ARFGEF3: variants seen among roughly 807,000 people sequenced by gnomAD.
ARFGEF3 encodes the protein ARFGEF family member 3.
ARFGEF3 carries 96 observed loss-of-function variants against 221.7 expected under a neutral mutation model. The ratio of observed to expected loss-of-function variants is 0.43; its 90% CI spans 0.37 to 0.51. The LOEUF (loss-of-function observed/expected upper bound fraction) is 0.51, where lower values mean the gene tolerates loss of function less well. ARFGEF3 is among the 20% of genes least tolerant of loss of function. The pLI is 0.00. For synonymous variants in ARFGEF3, 1,145 were observed against 1,126.8 expected (o/e 1.02, Z -0.32); for missense variants, 2,410 against 2,789.9 (o/e 0.86, Z 3.07).
chr6:138,311,359 G>A (rs747343263), intron 24 of ARFGEF3, 48 bp from the exon 25 acceptor site: 4 of 1,198,208 alleles, frequency 3.3e-6, no homozygotes, highest in Admixed American at 2.0e-5. Context: ...TTACAGGGGG[G>A]CACGCAAGGG....
At chr6:138,225,020 G>A (rs1778056097) in intron 4 of ARFGEF3, among the ~76,000 whole-genome samples, 1 of 152,140 alleles carries the variant, frequency 6.6e-6, no homozygotes, top group African/African-American at 2.4e-5. Flanking sequence ...GAGGGCAGTG[G>A]TAGGATGGTA....
At chr6:138,335,322 A>C (rs776806479) in intron 33 of ARFGEF3, 134 bp downstream of exon 33, 4 of 875,958 alleles carry the variant, frequency 4.6e-6, no homozygotes, top group Non-Finnish European at 4.8e-6. Flanking sequence ...ATTTCCCTCC[A>C]AAGTCAGAGG....
At chr6:138,278,379 C>T in intron 12 of ARFGEF3, 72 bp from the exon 13 acceptor site, 1 of 1,414,946 alleles carries the variant, frequency 7.1e-7, no homozygotes, top group Admixed American at 1.7e-5. Context: ...GATGGGTTCG[C>T]AGCTCTCTGG....
At chr6:138,294,881 T>C (rs17067357) in intron 20 of ARFGEF3, among the ~76,000 whole-genome samples, 12,630 of 152,290 alleles carry the variant, frequency 0.083, 830 homozygotes, top group South Asian at 0.24. Flanking sequence ...TTGGACTGCA[T>C]AACCTCTGAG....
intron 4 of ARFGEF3, 99 bp downstream of exon 4, chr6:138,210,140 C>T: frequency 8.5e-7 from 1 of 1,180,556 alleles, no homozygotes; most frequent in South Asian, 1.6e-5. Context: ...TGTGGTCATG[C>T]TAGCTCATCT....
chr6:138,204,735 A>G (rs1327026331), intron 2 of ARFGEF3, among the ~76,000 whole-genome samples: 1 of 152,268 alleles, frequency 6.6e-6, no homozygotes, highest in East Asian at 1.9e-4. Flanking sequence ...TAAGGGAGCT[A>G]AGACCCACAG....
At chr6:138,163,016 G>C (rs1165267388) in intron 1 of ARFGEF3, among the ~76,000 whole-genome samples, 1 of 152,182 alleles carries the variant, frequency 6.6e-6, no homozygotes, top group East Asian at 1.9e-4. Context: ...CTGATGTGAT[G>C]CCTCAGTTGC....
chr6:138,324,639 C>G (rs1393297351), intron 31 of ARFGEF3, among the ~76,000 whole-genome samples: 1 of 152,158 alleles, frequency 6.6e-6, no homozygotes, highest in Non-Finnish European at 1.5e-5. Context: ...CATCATATAC[C>G]AATGGCTTTT....
intron 2 of ARFGEF3, among the ~76,000 whole-genome samples, chr6:138,206,507 G>A (rs2114492740): frequency 6.6e-6 from 1 of 152,268 alleles, no homozygotes; most frequent in Admixed American, 6.5e-5. Flanking sequence ...AGACTATAAA[G>A]CAAATGTTAA....
chr6:138,164,919 A>G (rs1323940785), intron 1 of ARFGEF3, among the ~76,000 whole-genome samples: 1 of 152,146 alleles, frequency 6.6e-6, no homozygotes, highest in Non-Finnish European at 1.5e-5. Context: ...TACTTAGGTC[A>G]TCATGGGAAA....
chr6:138,320,885 G>C (rs1780010942), intron 28 of ARFGEF3, among the ~76,000 whole-genome samples: 1 of 152,098 alleles, frequency 6.6e-6, no homozygotes, highest in Non-Finnish European at 1.5e-5. Context: ...TGTAGAAGTG[G>C]ATGAAACATG....
intron 17 of ARFGEF3, among the ~76,000 whole-genome samples, chr6:138,287,390 A>C (rs1005362099): frequency 1.3e-5 from 2 of 152,198 alleles, no homozygotes; most frequent in Admixed American, 1.3e-4. Context: ...CTGGAGAATG[A>C]GAGACATACT....
chr6:138,299,289 A>C (rs956143411), intron 22 of ARFGEF3, among the ~76,000 whole-genome samples: 4 of 150,976 alleles, frequency 2.6e-5, no homozygotes, highest in Non-Finnish European at 5.9e-5. Context: ...ATTTGAAACT[A>C]GGCAATTAAA....
At chr6:138,250,162 A>G (rs1330015408) in intron 8 of ARFGEF3, among the ~76,000 whole-genome samples, 2 of 152,184 alleles carry the variant, frequency 1.3e-5, no homozygotes, top group Admixed American at 1.3e-4. Flanking sequence ...AGTGCCTCTT[A>G]GGGCTTTAGC....
rs1780380709 is a variant in ARFGEF3, at chr6:138,338,983, T to G, written c.*2497T>G. ...ATTATGGGTCCCAAGAATAAAAGGATGAGTAGGTGTACAGAGCTCTTGACC... is the reference window on the plus strand; with the variant it reads ...ATTATGGGTCCCAAGAATAAAAGGAGGAGTAGGTGTACAGAGCTCTTGACC... On this transcript the variant is annotated 3_prime_UTR_variant, in exon 34 of 34. Coordinates refer to ENST00000251691, the MANE Select transcript of ARFGEF3 (RefSeq NM_020340.5). 6.6e-6 allele frequency: 1 copy of G among 152,144 alleles called. No individual in the cohort carries two copies. Among genetic ancestry groups the G allele is most frequent in the Admixed American group, 6.6e-5 (1 of 15,264 alleles). 9.4% of individuals were successfully genotyped at this position (152,144 alleles called of 1,614,324 possible).
chr6:138,239,585 G>A (rs1281143813), intron 6 of ARFGEF3, among the ~76,000 whole-genome samples: 2 of 150,590 alleles, frequency 1.3e-5, no homozygotes, highest in Non-Finnish European at 3.0e-5. Flanking sequence ...GGAGGTGGAG[G>A]TTGCAGTGAG....
chr6:138,174,567 T>C (rs1405308997), intron 2 of ARFGEF3, among the ~76,000 whole-genome samples: 1 of 151,326 alleles, frequency 6.6e-6, no homozygotes, highest in Non-Finnish European at 1.5e-5. Flanking sequence ...TTATTTTTTC[T>C]TCCATTATGC....
At chr6:138,211,655 G>A (rs1436100740) in intron 4 of ARFGEF3, among the ~76,000 whole-genome samples, 1 of 152,140 alleles carries the variant, frequency 6.6e-6, no homozygotes, top group Non-Finnish European at 1.5e-5. Flanking sequence ...TATTATTCTG[G>A]AAATTCTCCC....
intron 32 of ARFGEF3, among the ~76,000 whole-genome samples, chr6:138,332,250 C>A (rs189992938): frequency 6.6e-6 from 1 of 152,084 alleles, no homozygotes; most frequent in Non-Finnish European, 1.5e-5. Context: ...TCAGGGGGAG[C>A]ATTTCCTTCA....
Sources: allele counts gnomAD v4.1 joint callset (sites outside exome capture counted in the v4.1 genomes callset), GRCh38; gene constraint gnomAD v4.1.1; transcripts MANE v1.5; gene names NCBI Gene and HGNC (gene_info 2026-07-23, HGNC 2026-07-21).